Variants in ADAM18 observed in about 807,000 individuals in gnomAD.
ADAM18 encodes ADAM metallopeptidase domain 18, also known as disintegrin and metalloproteinase domain-containing protein 18.
Under a neutral mutation model 94.4 loss-of-function variants are expected in ADAM18, and 117 were observed. That is an observed-to-expected ratio of 1.24 (90% CI 1.07 to 1.45). The LOEUF (loss-of-function observed/expected upper bound fraction) is 1.45. Among genes scored for constraint, ADAM18 ranks in the 40% most tolerant of loss-of-function variants. ADAM18 has a pLI of 0.00. For missense variants in ADAM18, 936 were observed against 880.0 expected (o/e 1.06, Z -0.81); for synonymous variants, 327 against 291.6 (o/e 1.12, Z -1.24).
intron 2 of ADAM18, among the ~76,000 whole-genome samples, chr8:39,587,419 C>G (rs1457244182): frequency 6.6e-6 from 1 of 152,086 alleles, no homozygotes; most frequent in East Asian, 1.9e-4. Context: ...CTATTCTATT[C>G]TCTGCTTTTA....
chr8:39,709,689 C>T (rs1338902994), intron 18 of ADAM18, among the ~76,000 whole-genome samples: 2 of 152,114 alleles, frequency 1.3e-5, no homozygotes, highest in African/African-American at 4.8e-5. Context: ...ATAAAGTCCA[C>T]CCAGGCAGCA....
intron 12 of ADAM18, among the ~76,000 whole-genome samples, chr8:39,657,780 TG>T (rs1820728483): frequency 6.6e-6 from 1 of 152,170 alleles, no homozygotes; most frequent in Non-Finnish European, 1.5e-5. Context: ...TATTGGAAAT[TG>T]TATTTTGAAT....
chr8:39,693,967 T>G (rs778325027), intron 17 of ADAM18, among the ~76,000 whole-genome samples: 12 of 151,298 alleles, frequency 7.9e-5, no homozygotes, highest in Non-Finnish European at 1.3e-4. Flanking sequence ...AATACCATTA[T>G]TCATGAAATG....
At chr8:39,726,487 T>A (rs1021187649) in intron 19 of ADAM18, among the ~76,000 whole-genome samples, 1 of 152,080 alleles carries the variant, frequency 6.6e-6, no homozygotes, top group African/African-American at 2.4e-5. Context: ...GCAAATACTT[T>A]GTCTCATTCT....
At chr8:39,600,636 G>A (rs941806550) in intron 2 of ADAM18, among the ~76,000 whole-genome samples, 7 of 152,194 alleles carry the variant, frequency 4.6e-5, no homozygotes, top group African/African-American at 1.7e-4. Context: ...TTGAGAAACA[G>A]TTTTTGACTT....
At chr8:39,612,911 C>G (rs1017065976) in intron 6 of ADAM18, among the ~76,000 whole-genome samples, 1 of 152,126 alleles carries the variant, frequency 6.6e-6, no homozygotes, top group Admixed American at 6.5e-5. Flanking sequence ...GCACACTCAC[C>G]CATAGCCTCC....
intron 2 of ADAM18, among the ~76,000 whole-genome samples, chr8:39,599,939 G>A (rs1040211629): frequency 4.0e-5 from 6 of 151,582 alleles, no homozygotes; most frequent in Non-Finnish European, 7.4e-5. Context: ...GCACTGGCTA[G>A]AACCTCCAGT....
chr8:39,701,117 CAAAAAAAAAAA>C (rs71237188), intron 17 of ADAM18, among the ~76,000 whole-genome samples: 5,628 of 34,524 alleles, frequency 0.16, 193 homozygotes, highest in Middle Eastern at 0.31. Flanking sequence ...GACTCTGTCT[CAAAAAAAAAAA>C]AAAAAAAAAA....
At chr8:39,602,054 G>A (rs750763451) in intron 2 of ADAM18, among the ~76,000 whole-genome samples, 7 of 151,642 alleles carry the variant, frequency 4.6e-5, no homozygotes, top group African/African-American at 9.7e-5. Context: ...CATTTTATTC[G>A]TCTATTCGTT....
chr8:39,677,446 C>T lies in ADAM18; in HGVS notation c.1541C>T (p.Pro514Leu). The change falls in exon 15 of 20, where the codon CCA becomes CTA. Residue 514 changes from proline (P) to leucine (L), a missense_variant. By Grantham distance (98) the Pro-to-Leu change is moderately conservative (BLOSUM62 -3). Coordinates refer to ENST00000265707, the MANE Select transcript of ADAM18 (RefSeq NM_014237.3). ...KIFGKGAQGA[P>L]FACFKEVNSL... is the part of the protein sequence containing the mutation. Reference sequence around the variant, plus strand: ...GCATTTTAAGGTGCTCAAGGTGCTCCATTTGCCTGTTTTAAAGAAGTTAAT... The same window carrying T: ...GCATTTTAAGGTGCTCAAGGTGCTCTATTTGCCTGTTTTAAAGAAGTTAAT... The T allele has an allele frequency of 6.2e-7, 1 of 1,605,584 alleles. No individual in the cohort carries two copies. Among genetic ancestry groups the T allele is most frequent in the Non-Finnish European group, 8.5e-7 (1 of 1,178,220 alleles).
intron 7 of ADAM18, among the ~76,000 whole-genome samples, chr8:39,636,339 A>G (rs1416619179): frequency 6.6e-6 from 1 of 152,344 alleles, no homozygotes; most frequent in East Asian, 1.9e-4. Flanking sequence ...GGGAAGGTTT[A>G]AAATTACAGA....
At chr8:39,710,923 A>G (rs1407761564) in intron 18 of ADAM18, among the ~76,000 whole-genome samples, 1 of 152,198 alleles carries the variant, frequency 6.6e-6, no homozygotes. Context: ...AGAAAATATC[A>G]AAGAAGATAA....
chr8:39,696,381 T>C (rs1034260767), intron 17 of ADAM18, among the ~76,000 whole-genome samples: 2 of 151,530 alleles, frequency 1.3e-5, no homozygotes, highest in African/African-American at 4.8e-5. Context: ...TTTTTAATTT[T>C]GATGATGTTT....
Position 39,585,410 on chromosome 8 carries a change from C to A in ADAM18, c.132+58C>A, listed in dbSNP as rs1398587220. ...AAGCTTTATGGCAATTTTTATTTAC[C>A]CTTATATTAAGTCAGATCATACTAA... On this transcript the variant is annotated intron_variant, in intron 2 of 19. Coordinates refer to ENST00000265707, the MANE Select transcript of ADAM18 (RefSeq NM_014237.3). 7.3e-6 allele frequency: 9 copies of A among 1,240,970 alleles called. No individual in the cohort carries two copies. In the South Asian group the frequency reaches 9.0e-5, roughly 12 times the overall value. The allele number at this position is 1,240,970 out of a possible 1,614,324, so 76.9% of individuals were successfully genotyped here.
chr8:39,675,847 T>A (rs1821286472), intron 14 of ADAM18, among the ~76,000 whole-genome samples: 1 of 152,238 alleles, frequency 6.6e-6, no homozygotes, highest in South Asian at 2.1e-4. Context: ...ATGCTATTTC[T>A]TTCTGTTTGT....
At chr8:39,663,646 T>G in intron 12 of ADAM18, 149 bp from the exon 13 acceptor site, 3 of 295,724 alleles carry the variant, frequency 1.0e-5, no homozygotes, top group Admixed American at 5.5e-5. Context: ...AAAGAAATGG[T>G]AAACTAATAC....
At chr8:39,638,313 A>G (rs912454082) in intron 9 of ADAM18, 152 bp from the exon 10 acceptor site, 3 of 440,012 alleles carry the variant, frequency 6.8e-6, no homozygotes, top group Non-Finnish European at 8.2e-6. Flanking sequence ...AGTATTTAGT[A>G]TTTTGTAATG....
intron 18 of ADAM18, among the ~76,000 whole-genome samples, chr8:39,717,122 T>C (rs887647200): frequency 2.6e-5 from 4 of 151,820 alleles, no homozygotes; most frequent in Admixed American, 6.6e-5. Context: ...AGTTGTGTGT[T>C]GCGTGTCTGT....
intron 5 of ADAM18, 117 bp from the exon 6 acceptor site, chr8:39,610,412 T>C (rs1003751135): frequency 3.0e-5 from 37 of 1,251,624 alleles, no homozygotes; most frequent in Non-Finnish European, 3.8e-5. Flanking sequence ...GAAAATGGGC[T>C]TAAAATGTGT....
Sources: allele counts gnomAD v4.1 joint callset (sites outside exome capture counted in the v4.1 genomes callset), GRCh38; gene constraint gnomAD v4.1.1; transcripts MANE v1.5; gene names NCBI Gene and HGNC (gene_info 2026-07-23, HGNC 2026-07-21).